FRMD8: variants seen among roughly 807,000 people sequenced by gnomAD.
FRMD8 encodes the protein FERM domain-containing protein 8.
In FRMD8, 37 loss-of-function variants were observed where a neutral mutation model predicts 54.2. The observed-to-expected ratio is 0.68, with a 90% CI of 0.53 to 0.90. FRMD8 has a LOEUF of 0.90. Among genes scored for constraint, FRMD8 ranks in the 40% least tolerant of loss-of-function variants. FRMD8 has a pLI of 0.00. For missense variants in FRMD8, 585 were observed against 653.7 expected (o/e 0.89, Z 1.15); for synonymous variants, 246 against 286.9 (o/e 0.86, Z 1.44).
At chr11:65,369,044 A>G in the FRMD8 span, among the ~76,000 whole-genome samples, 6 of 152,200 alleles carry the variant, frequency 3.9e-5, no homozygotes, top group African/African-American at 1.4e-4. Flanking sequence ...TCTCAGCAGC[A>G]GCAGCAGCAG....
the FRMD8 span, chr11:65,376,976 G>A: frequency 1.2e-6 from 2 of 1,613,272 alleles, no homozygotes; most frequent in African/African-American, 1.3e-5. Flanking sequence ...ACAGTGCACG[G>A]GCCCCTGGTA....
chr11:65,375,194 T>A, the FRMD8 span: 1 of 152,140 alleles, frequency 6.6e-6, no homozygotes, highest in Non-Finnish European at 1.5e-5. Context: ...TGCAGTCGCA[T>A]CATTTAACGA....
At chr11:65,401,532 T>A (rs1466230604) in intron 9 of FRMD8, among the ~76,000 whole-genome samples, 1 of 150,708 alleles carries the variant, frequency 6.6e-6, no homozygotes, top group Non-Finnish European at 1.5e-5. Context: ...CCGGCTTCCT[T>A]TTGGTGCCCT....
chr11:65,376,228 C>A, the FRMD8 span: 23 of 694,276 alleles, frequency 3.3e-5, no homozygotes, highest in South Asian at 4.2e-4. Flanking sequence ...TGCACAGGCC[C>A]CCTGGCTTCC....
rs181481060 is a variant in FRMD8 at position 65,410,405 on chromosome 11, G to A, written c.1277-837G>A. On this transcript the variant is annotated intron_variant, in intron 10 of 10. Transcript: ENST00000317568. ...AGCTACTCAGGAGGCTGAGGCAGGA[G>A]AATTGCTTGAACCCAGGAGGTGGAG... Among the ~76,000 whole-genome samples, 160 of 152,270 alleles carry A rather than the reference G, an allele frequency of 1.1e-3. 3 individuals are homozygous for A. Among genetic ancestry groups the A allele is most frequent in the African/African-American group, 3.6e-3 (149 of 41,546 alleles).
intron 5 of FRMD8, 26 bp downstream of exon 5, chr11:65,394,125 A>G (rs1221222849): frequency 5.0e-6 from 8 of 1,612,104 alleles, no homozygotes. Flanking sequence ...TGGTGGCCCC[A>G]CCAGGCCTGG....
chr11:65,407,766 G>A (rs980418017), intron 10 of FRMD8, among the ~76,000 whole-genome samples: 1 of 151,828 alleles, frequency 6.6e-6, no homozygotes, highest in African/African-American at 2.4e-5. Context: ...ACGTGGTGGT[G>A]GGTGCCTGTA....
the FRMD8 span, chr11:65,379,598 T>C: frequency 5.7e-6 from 9 of 1,567,332 alleles, no homozygotes; most frequent in Admixed American, 1.6e-4. Flanking sequence ...GTAGGCACCG[T>C]GGGGCCTCCC....
In FRMD8 at chr11:65,412,252, A is replaced by C. The variant is rs1856350492; in HGVS notation, c.*892A>C. On this transcript the variant is annotated 3_prime_UTR_variant, in exon 11 of 11. Coordinates refer to ENST00000317568, the MANE Select transcript of FRMD8 (RefSeq NM_031904.5). Reference sequence around the variant, plus strand: ...TCCCCTAGGGGACTGACCGGACCTGACCTCCCCTCCCTGTGTCTGGGTCTT... The same window carrying C: ...TCCCCTAGGGGACTGACCGGACCTGCCCTCCCCTCCCTGTGTCTGGGTCTT... 1.3e-5 allele frequency: 2 copies of C among 151,776 alleles called. No homozygotes were observed. The highest frequency in any genetic ancestry group is 6.6e-5 in the Admixed American group (1 of 15,230). 9.4% of individuals were successfully genotyped at this position (151,776 alleles called of 1,614,324 possible). A position where few individuals can be genotyped will look rare whatever the true frequency, so the allele number is the denominator to read the frequency against.
rs1257382495 is a variant in FRMD8 at position 65,389,366 on chromosome 11, G to C, written c.91G>C (p.Asp31His). 1 of 1,610,210 alleles carries C rather than the reference G, an allele frequency of 6.2e-7. No homozygotes were observed. Among genetic ancestry groups the C allele is most frequent in the South Asian group, 1.1e-5 (1 of 91,090 alleles). Residue 31 changes from aspartate (D) to histidine (H), a missense_variant, in exon 3 of 11, where the codon GAC becomes CAC. By Grantham distance (81) the Asp-to-His change is moderately conservative. Coordinates refer to ENST00000317568, the MANE Select transcript of FRMD8 (RefSeq NM_031904.5). ...CTGCCTGGTCTCCATCACAGCGGCT[G>C]ACGTGCTGGTATACCTAGCGGATGA... ...SVSSVGARAA[D>H]VLVYLADDTV...
the FRMD8 span, among the ~76,000 whole-genome samples, chr11:65,372,204 G>A: frequency 1.3e-5 from 2 of 152,180 alleles, no homozygotes; most frequent in African/African-American, 4.8e-5. Flanking sequence ...GAGCCACCAT[G>A]CCTAGCCAAC....
At chr11:65,388,822 A>G (rs1048848643) in intron 2 of FRMD8, among the ~76,000 whole-genome samples, 4 of 152,222 alleles carry the variant, frequency 2.6e-5, no homozygotes, top group African/African-American at 4.8e-5. Context: ...ATCTCTTCGC[A>G]TCTTAGCCTC....
chr11:65,393,913 C>T lies in FRMD8; in HGVS notation c.356-128C>T. The T allele has an allele frequency of 4.0e-6, 4 of 998,234 alleles. No individual in the cohort carries two copies. In the South Asian group the frequency reaches 5.7e-5, roughly 14 times the overall value. The allele number at this position is 998,234 out of a possible 1,614,324, so 61.8% of individuals were successfully genotyped here. On this transcript the variant is annotated intron_variant, in intron 4 of 10. Transcript: ENST00000317568. ...GTTGGGATGAGCTGCACACTCCACC[C>T]TCTGCACGGCCCTCCGGTTTTCTCA...
intron 10 of FRMD8, among the ~76,000 whole-genome samples, chr11:65,405,642 A>C (rs1856179739): frequency 6.6e-6 from 1 of 151,922 alleles, no homozygotes; most frequent in South Asian, 2.1e-4. Flanking sequence ...TAAATAAATA[A>C]ATAAAGCGTT....
rs757505326 is a variant in FRMD8 at position 65,405,056 on chromosome 11, T to C, written c.1264T>C (p.Tyr422His). Residue 422 changes from tyrosine (Y) to histidine (H), a missense_variant, in exon 10 of 11, where the codon TAC (tyrosine) becomes CAC (histidine). Transcript: ENST00000317568. ...SRIQHLSTIDYVEDGKGIRRV... is the reference protein window; with the variant it reads ...SRIQHLSTIDHVEDGKGIRRV... ...GATCCAGCATCTCTCCACCATCGAC[T>C]ACGTGGAGGACGGTGAGCAGCCCTT... is the stretch of plus-strand genomic sequence containing the variant. The C allele has an allele frequency of 1.2e-6, 2 of 1,613,340 alleles. No individual in the cohort carries two copies. The highest frequency in any genetic ancestry group is 2.2e-5 in the East Asian group (1 of 44,892).
the FRMD8 span, among the ~76,000 whole-genome samples, chr11:65,368,286 G>T: frequency 2.6e-4 from 40 of 151,956 alleles, no homozygotes; most frequent in Non-Finnish European, 5.2e-4. Flanking sequence ...CTGTTGGCCG[G>T]GCTGGTCTCA....
At chr11:65,377,311 C>T in the FRMD8 span, 1 of 1,377,870 alleles carries the variant, frequency 7.3e-7, no homozygotes, top group African/African-American at 1.5e-5. Context: ...CACTGCCCCT[C>T]ATGCAACAGT....
At chr11:65,394,530 T>C in intron 6 of FRMD8, 105 bp downstream of exon 6, 1 of 1,391,480 alleles carries the variant, frequency 7.2e-7, no homozygotes, top group Admixed American at 2.2e-5. Flanking sequence ...GGCAGGGTCC[T>C]GGAGTCAGGA....
At chr11:65,390,612 C>T (rs779334900) in intron 3 of FRMD8, among the ~76,000 whole-genome samples, 3 of 151,956 alleles carry the variant, frequency 2.0e-5, no homozygotes, top group Admixed American at 6.6e-5. Context: ...GGGAGGTGCC[C>T]GCCCACCCTC....
Sources: allele counts gnomAD v4.1 joint callset (sites outside exome capture counted in the v4.1 genomes callset), GRCh38; gene constraint gnomAD v4.1.1; transcripts MANE v1.5; gene names NCBI Gene and HGNC (gene_info 2026-07-23, HGNC 2026-07-21).